Variants in CCNC observed in about 807,000 individuals in gnomAD.
The protein encoded by CCNC is cyclin C.
CCNC carries 19 observed loss-of-function variants against 50.0 expected under a neutral mutation model. The ratio of observed to expected loss-of-function variants is 0.38; its 90% confidence interval spans 0.27 to 0.56. The LOEUF (loss-of-function observed/expected upper bound fraction) is 0.56. CCNC is among the 20% of genes least tolerant of loss of function. The pLI, the probability that CCNC is intolerant of heterozygous loss-of-function variation, is 0.72. For missense variants in CCNC, 200 were observed against 327.1 expected (o/e 0.61, Z 3.00); for synonymous variants, 93 against 103.7 (o/e 0.90, Z 0.63).
intron 5 of CCNC, among the ~76,000 whole-genome samples, chr6:99,556,459 T>C (rs2114344275): frequency 6.6e-6 from 1 of 152,324 alleles, no homozygotes; most frequent in East Asian, 1.9e-4. Flanking sequence ...CTCCAATTCA[T>C]CTTACATAAT....
At chr6:99,561,254 T>C in intron 4 of CCNC, 113 bp downstream of exon 4, 1 of 748,212 alleles carries the variant, frequency 1.3e-6, no homozygotes, top group Non-Finnish European at 2.4e-6. Context: ...ACAATTTTAG[T>C]ATTTTGCATA....
At chr6:99,546,109 G>A (rs1388553976) in intron 10 of CCNC, among the ~76,000 whole-genome samples, 1 of 152,032 alleles carries the variant, frequency 6.6e-6, no homozygotes, top group African/African-American at 2.4e-5. Flanking sequence ...GGGAGTACAG[G>A]TGCATGCCAC....
At position 99,551,439 on chromosome 6, in the gene CCNC, C is replaced by A. The variant is rs561688852; in HGVS notation, c.402+401G>T. ...CCTTGCAAGGTGGAAAAAGGACATA[C>A]CTATTAAAATGTCAATAGAAATTCA... On this transcript the variant is annotated intron_variant, in intron 6 of 11. Transcript: ENST00000520429. Among the ~76,000 whole-genome samples the A allele has an allele frequency of 2.0e-5, 3 of 152,156 alleles. No individual in the cohort carries two copies. The East Asian group carries it at 5.8e-4, about 29-fold the overall frequency.
chr6:99,562,647 A>G, intron 2 of CCNC, 195 bp downstream of exon 2: 1 of 493,690 alleles, frequency 2.0e-6, no homozygotes, highest in Non-Finnish European at 3.6e-6. Context: ...AGTGCCTGTG[A>G]TATGTAAAAT....
intron 1 of CCNC, among the ~76,000 whole-genome samples, chr6:99,567,402 T>C (rs1403496581): frequency 1.6e-5 from 2 of 128,660 alleles, no homozygotes; most frequent in Non-Finnish European, 3.2e-5. Flanking sequence ...CACATATATA[T>C]ATACATACAC....
intron 10 of CCNC, 118 bp downstream of exon 10, chr6:99,546,277 A>G: frequency 4.3e-6 from 3 of 698,154 alleles, no homozygotes; most frequent in Non-Finnish European, 5.0e-6. Context: ...ATGTTTCTTA[A>G]TATTTTGTAA....
chr6:99,568,081 C>T, intron 1 of CCNC: 2 of 185,790 alleles, frequency 1.1e-5, no homozygotes, highest in Non-Finnish European at 2.2e-5. Flanking sequence ...CAAAAGACCA[C>T]GACGCCGATC....
upstream of CCNC, chr6:99,568,758 G>GGAGGC: frequency 7.3e-7 from 1 of 1,364,310 alleles, no homozygotes; most frequent in Non-Finnish European, 9.5e-7. Context: ...CCGGCCCGCG[G>GGAGGC]TAGCGGAGGG....
chr6:99,553,246 G>A (rs1802377017), intron 5 of CCNC, among the ~76,000 whole-genome samples: 1 of 151,970 alleles, frequency 6.6e-6, no homozygotes, highest in Non-Finnish European at 1.5e-5. Flanking sequence ...TACCTATTAA[G>A]GTTTCTGAGT....
intron 7 of CCNC, 99 bp downstream of exon 7, chr6:99,550,893 GT>G: frequency 1.7e-6 from 1 of 586,692 alleles, no homozygotes; most frequent in Non-Finnish European, 2.7e-6. Flanking sequence ...TAGGTGGATG[GT>G]TTTAAAATGT....
At chr6:99,563,043 C>A in intron 1 of CCNC, 95 bp from the exon 2 acceptor site, 1 of 724,378 alleles carries the variant, frequency 1.4e-6, no homozygotes, top group Non-Finnish European at 2.3e-6. Context: ...GTACAAAGTG[C>A]AAAAAGTAAC....
At chr6:99,550,514 A>G in intron 7 of CCNC, 1 of 463,312 alleles carries the variant, frequency 2.2e-6, no homozygotes, top group Non-Finnish European at 3.8e-6. Context: ...TCTCTGGAAT[A>G]TACCTTGATA....
intron 5 of CCNC, chr6:99,557,275 T>A (rs1028239994): frequency 3.9e-5 from 6 of 152,202 alleles, no homozygotes; most frequent in African/African-American, 1.2e-4. Flanking sequence ...CTTCTTTTTT[T>A]GTCCTTAAAT....
At chr6:99,568,732 C>G, upstream of CCNC, 1 of 1,406,074 alleles carries the variant, frequency 7.1e-7, no homozygotes, top group Non-Finnish European at 9.2e-7. Flanking sequence ...CAAACCCGTT[C>G]CTATCGACAA....
At chr6:99,566,485 T>C (rs922368503) in intron 1 of CCNC, among the ~76,000 whole-genome samples, 1 of 152,120 alleles carries the variant, frequency 6.6e-6, no homozygotes, top group African/African-American at 2.4e-5. Flanking sequence ...ACAGTTAGTT[T>C]TGTAGTTTTT....
chr6:99,563,990 A>G (rs1481522731), intron 1 of CCNC, among the ~76,000 whole-genome samples: 1 of 152,166 alleles, frequency 6.6e-6, no homozygotes, highest in Non-Finnish European at 1.5e-5. Context: ...TTTGATTAAT[A>G]ATATATTTGA....
At chr6:99,557,622 T>G (rs1199056437) in intron 5 of CCNC, 1 of 151,768 alleles carries the variant, frequency 6.6e-6, no homozygotes, top group African/African-American at 2.4e-5. Context: ...CTGGCCAACA[T>G]GGTGAAACCC....
intron 4 of CCNC, among the ~76,000 whole-genome samples, chr6:99,560,828 T>TC (rs1802747161): frequency 6.6e-6 from 1 of 152,214 alleles, no homozygotes; most frequent in South Asian, 2.1e-4. Flanking sequence ...TTGCCTTCCT[T>TC]CTGGCTTGGT....
At chr6:99,552,029 C>G in intron 5 of CCNC, 134 bp from the exon 6 acceptor site, 1 of 482,190 alleles carries the variant, frequency 2.1e-6, no homozygotes, top group South Asian at 4.8e-5. Context: ...CACTTACGGA[C>G]GCAGATTTTT....
Sources: allele counts gnomAD v4.1 joint callset (sites outside exome capture counted in the v4.1 genomes callset), GRCh38; gene constraint gnomAD v4.1.1; transcripts MANE v1.5; gene names NCBI Gene and HGNC (gene_info 2026-07-23, HGNC 2026-07-21).